PIGB: variants seen among roughly 807,000 people sequenced by gnomAD.
PIGB encodes the protein GPI alpha-1,2-mannosyltransferase 3.
Under a neutral mutation model 68.4 loss-of-function variants are expected in PIGB, and 58 were observed. That is an observed-to-expected ratio of 0.85 (90% CI 0.69 to 1.06). PIGB has a LOEUF of 1.06. Ranked by LOEUF, PIGB falls within the 50% of genes least tolerant of loss-of-function variation. The pLI, the probability that PIGB is intolerant of heterozygous loss-of-function variation, is 0.00. For synonymous variants in PIGB, 219 were observed against 220.5 expected (o/e 0.99, Z 0.06); for missense variants, 634 against 655.8 (o/e 0.97, Z 0.36).
rs184749423 is a variant in PIGB, at chr15:55,326,062, C to T, written c.418-1469C>T. ...AATACAAAAAATTAGCTGGGCGTGG[C>T]GGCGTGCACCTGTAGTCCCAGCTAC... On this transcript the variant is annotated intron_variant, in intron 3 of 11. Coordinates refer to ENST00000164305, the MANE Select transcript of PIGB (RefSeq NM_004855.5). 5.2e-3 allele frequency among the ~76,000 whole-genome samples: 767 copies of T among 147,264 alleles called. 10 individuals are homozygous for T. The highest frequency in any genetic ancestry group is 0.018 in the African/African-American group (709 of 39,818).
At chr15:55,353,998 T>TAAAAATAAAAAAAAAAAAAAAAAA (rs112479438) in intron 10 of PIGB, among the ~76,000 whole-genome samples, 1 of 112,048 alleles carries the variant, frequency 8.9e-6, no homozygotes, top group African/African-American at 4.2e-5. Context: ...TCATCTTAAA[T>TAAAAATAAAAAAAAAAAAAAAAAA]AAAAAAAAAA....
At chr15:55,334,190 A>C (rs2055485599) in intron 6 of PIGB, among the ~76,000 whole-genome samples, 183 bp downstream of exon 6, 1 of 152,200 alleles carries the variant, frequency 6.6e-6, no homozygotes, top group Non-Finnish European at 1.5e-5. Context: ...TAACTATTTT[A>C]ATTTGCTTAA....
At chr15:55,321,646 CTT>C (rs966940527) in intron 3 of PIGB, among the ~76,000 whole-genome samples, 6,452 of 69,028 alleles carry the variant, frequency 0.093, 236 homozygotes, top group East Asian at 0.23. Flanking sequence ...ATACTTCTTT[CTT>C]TTTTTTTTTT....
At position 55,354,853 on chromosome 15, in the gene PIGB, G is replaced by A; in HGVS notation, c.1393G>A (p.Gly465Arg). 6.2e-7 allele frequency: 1 copy of A among 1,613,584 alleles called. No homozygotes were observed. The highest frequency in any genetic ancestry group is 8.5e-7 in the Non-Finnish European group (1 of 1,179,716). Residue 465 changes from glycine (G) to arginine (R), a missense_variant, in exon 11 of 12, where the codon GGA (glycine) becomes AGA (arginine). Transcript: ENST00000164305. ...TCTCCAGTGCCCGCCAGACCTGACT[G>A]GAAAAAGTCATTATCTTGATGAAGC... ...RFLQCPPDLT[G>R]KSHYLDEADV...
At chr15:55,336,448 C>T (rs1462069471) in intron 6 of PIGB, among the ~76,000 whole-genome samples, 5 of 152,274 alleles carry the variant, frequency 3.3e-5, no homozygotes, top group African/African-American at 7.2e-5. Context: ...ACACATCTAA[C>T]GTACTGAACA....
intron 9 of PIGB, chr15:55,343,576 A>C (rs2055721654): frequency 6.6e-6 from 1 of 152,186 alleles, no homozygotes. Flanking sequence ...AGTTGTCTGA[A>C]TCCTCATTGC....
At chr15:55,322,311 A>G (rs56257633) in intron 3 of PIGB, among the ~76,000 whole-genome samples, 41,264 of 152,082 alleles carry the variant, frequency 0.27, 6,777 homozygotes, top group East Asian at 0.55. Context: ...TTGAAATTAA[A>G]ACTTTAAAAT....
At chr15:55,339,535 T>G (rs2055615209) in intron 7 of PIGB, among the ~76,000 whole-genome samples, 1 of 152,246 alleles carries the variant, frequency 6.6e-6, no homozygotes, top group Non-Finnish European at 1.5e-5. Flanking sequence ...GGCAGGGAAT[T>G]ATTAAGTGAG....
At position 55,335,121 on chromosome 15, in the gene PIGB, T is replaced by C. The variant is rs536418913; in HGVS notation, c.794+1114T>C. On this transcript the variant is annotated intron_variant, in intron 6 of 11. Coordinates refer to ENST00000164305, the MANE Select transcript of PIGB (RefSeq NM_004855.5). Reference sequence around the variant, plus strand: ...GTATAGGTTTGTAGCCTAGGAGCAGTAGGCTATACCATATAGCCTAGATGT... The same window carrying C: ...GTATAGGTTTGTAGCCTAGGAGCAGCAGGCTATACCATATAGCCTAGATGT... 2.0e-5 allele frequency among the ~76,000 whole-genome samples: 3 copies of C among 152,338 alleles called. No homozygotes were observed. The South Asian group carries it at 6.2e-4, about 32-fold the overall frequency.
chr15:55,325,053 G>A (rs2055249197), intron 3 of PIGB, among the ~76,000 whole-genome samples: 1 of 152,136 alleles, frequency 6.6e-6, no homozygotes, highest in Non-Finnish European at 1.5e-5. Context: ...AACAGCCGGC[G>A]CGGTGGATCA....
chr15:55,332,195 G>C (rs1323384162), intron 5 of PIGB, among the ~76,000 whole-genome samples: 1 of 151,494 alleles, frequency 6.6e-6, no homozygotes, highest in Admixed American at 6.6e-5. Flanking sequence ...GGCTGGTCTT[G>C]AACTCCTGAC....
rs1366412778 is a variant in PIGB, at chr15:55,339,270, TGTTACTTTGA to T, written c.802_811del (p.Thr268CysfsTer3). The T allele has an allele frequency of 6.4e-7, 1 of 1,551,808 alleles. No homozygotes were observed. Among genetic ancestry groups the T allele is most frequent in the Non-Finnish European group, 8.7e-7 (1 of 1,146,816 alleles). ...CTATGCTATTTTTGTTTTTCAGCTT[TGTTACTTTGA>T]GTTTGTCTCTGATGATTGATCGTAT... is the stretch of plus-strand genomic sequence containing the variant. On this transcript the variant is annotated frameshift_variant, in exon 7 of 12. Transcript: ENST00000164305. LOFTEE classifies it high-confidence loss of function.
At chr15:55,336,496 T>G (rs2055539398) in intron 6 of PIGB, among the ~76,000 whole-genome samples, 1 of 152,242 alleles carries the variant, frequency 6.6e-6, no homozygotes, top group African/African-American at 2.4e-5. Flanking sequence ...TCAGAACGCT[T>G]ACATTAGCCT....
intron 3 of PIGB, among the ~76,000 whole-genome samples, chr15:55,322,387 A>G (rs984037381): frequency 2.0e-5 from 3 of 152,212 alleles, no homozygotes; most frequent in African/African-American, 7.2e-5. Flanking sequence ...AGGCATCAAC[A>G]GTAAGTAGGA....
intron 5 of PIGB, among the ~76,000 whole-genome samples, chr15:55,333,090 AT>A (rs200885780): frequency 3.3e-4 from 50 of 150,638 alleles, no homozygotes; most frequent in African/African-American, 1.0e-3. Context: ...AAACTTGATC[AT>A]TTTTTTTTCA....
At chr15:55,336,419 T>A (rs1459769909) in intron 6 of PIGB, among the ~76,000 whole-genome samples, 3 of 152,046 alleles carry the variant, frequency 2.0e-5, no homozygotes, top group Non-Finnish European at 4.4e-5. Flanking sequence ...GAAAATATTC[T>A]ACGTCAAAAA....
chr15:55,348,527 G>A (rs527847263), intron 9 of PIGB: 1 of 152,686 alleles, frequency 6.5e-6, no homozygotes, highest in South Asian at 2.1e-4. Flanking sequence ...CACCATCCTG[G>A]AGTAGTAAGT....
Position 55,333,816 on chromosome 15 carries a change from T to C in PIGB, c.654-51T>C, listed in dbSNP as rs193290890. On this transcript the variant is annotated intron_variant, in intron 5 of 11. Coordinates refer to ENST00000164305, the MANE Select transcript of PIGB (RefSeq NM_004855.5). ...GTCAAATCACAGTGTAAATGATAGA[T>C]AACTTCAAGTTAATTTCCCACTTGT... The C allele has an allele frequency of 1.0e-5, 14 of 1,348,078 alleles. No individual in the cohort carries two copies. In the East Asian group the frequency reaches 3.0e-4, roughly 29 times the overall value. 83.5% of individuals were successfully genotyped at this position (1,348,078 alleles called of 1,614,324 possible). A position where few individuals can be genotyped will look rare whatever the true frequency, so the allele number is the denominator to read the frequency against.
At chr15:55,321,874 A>C (rs887835708) in intron 3 of PIGB, among the ~76,000 whole-genome samples, 45 of 137,152 alleles carry the variant, frequency 3.3e-4, no homozygotes, top group Admixed American at 1.7e-3. Context: ...CTGGTCTCGA[A>C]CTCCCGACCT....
Sources: allele counts gnomAD v4.1 joint callset (sites outside exome capture counted in the v4.1 genomes callset), GRCh38; gene constraint gnomAD v4.1.1; transcripts MANE v1.5; gene names NCBI Gene and HGNC (gene_info 2026-07-23, HGNC 2026-07-21).